Variants in IMPA1 observed in about 807,000 individuals in gnomAD.
The protein encoded by IMPA1 is inositol monophosphatase 1, also known as D-galactose 1-phosphate phosphatase.
Under a neutral mutation model 34.9 loss-of-function variants are expected in IMPA1, and 21 were observed. The observed-to-expected ratio is 0.60, with a 90% CI of 0.43 to 0.87. IMPA1 has a LOEUF of 0.87. Among genes scored for constraint, IMPA1 ranks in the 40% least tolerant of loss-of-function variants. The pLI, the probability that IMPA1 is intolerant of heterozygous loss-of-function variation, is 0.00. For synonymous variants in IMPA1, 95 were observed against 104.4 expected (o/e 0.91, Z 0.55); for missense variants, 299 against 336.4 (o/e 0.89, Z 0.87).
intron 7 of IMPA1, among the ~76,000 whole-genome samples, chr8:81,662,776 A>T (rs535719698): frequency 6.6e-6 from 1 of 152,366 alleles, no homozygotes; most frequent in African/African-American, 2.4e-5. Flanking sequence ...TAATAAAAAT[A>T]GCTTTTTTTA....
chr8:81,664,365 G>C (rs1448526939), intron 7 of IMPA1, among the ~76,000 whole-genome samples: 1 of 152,116 alleles, frequency 6.6e-6, no homozygotes, highest in Non-Finnish European at 1.5e-5. Flanking sequence ...CTAAGTAGAA[G>C]AAAAACAAAT....
At chr8:81,680,881 A>G (rs1807279810) in intron 2 of IMPA1, 98 bp from the exon 3 acceptor site, 1 of 864,412 alleles carries the variant, frequency 1.2e-6, no homozygotes, top group Non-Finnish European at 1.8e-6. Context: ...GTCTTAAATA[A>G]TATTCTTTAA....
chr8:81,662,584 C>CTGCATAGG lies in IMPA1; in HGVS notation c.567-1918_567-1917insCCTATGCA, dbSNP rs1368971457. ...TGTGGTCCTCCTATACAGCTGTGGTCCGCCTATGCAGCTAACATGGCACAT... is the reference window on the plus strand; with the variant it reads ...TGTGGTCCTCCTATACAGCTGTGGTCTGCATAGGCGCCTATGCAGCTAACATGGCACAT... On this transcript the variant is annotated intron_variant, in intron 7 of 8. Coordinates refer to ENST00000256108, the MANE Select transcript of IMPA1 (RefSeq NM_005536.4). Among the ~76,000 whole-genome samples, 10 of 152,260 alleles carry CTGCATAGG rather than the reference C, an allele frequency of 6.6e-5. No homozygotes were observed. In the East Asian group the frequency reaches 1.9e-3, roughly 29 times the overall value.
chr8:81,678,528 C>T (rs528475314), intron 4 of IMPA1: 74 of 160,532 alleles, frequency 4.6e-4, no homozygotes, highest in Non-Finnish European at 9.8e-4. Flanking sequence ...CCCGCCTCTA[C>T]TAAAAATACA....
chr8:81,685,055 C>CATAAGTATATTTAGATATATATACTATAA (rs1404787864), intron 1 of IMPA1, among the ~76,000 whole-genome samples: 2 of 128,024 alleles, frequency 1.6e-5, no homozygotes, highest in Non-Finnish European at 3.1e-5. Context: ...ATATACTATA[C>CATAAGTATATTTAGATATATATACTATAA]ATAAGTATAT....
chr8:81,665,002 A>C (rs1165823701), intron 7 of IMPA1, among the ~76,000 whole-genome samples: 1 of 152,230 alleles, frequency 6.6e-6, no homozygotes. Context: ...GAAAATGCAC[A>C]GAAAGGCACA....
intron 7 of IMPA1, among the ~76,000 whole-genome samples, chr8:81,664,192 A>C (rs1173605488): frequency 6.6e-6 from 1 of 152,170 alleles, no homozygotes; most frequent in Admixed American, 6.5e-5. Flanking sequence ...GTCATTACAG[A>C]GGGACTCTGA....
intron 8 of IMPA1, 96 bp from the exon 9 acceptor site, chr8:81,659,562 T>C: frequency 5.8e-6 from 4 of 686,882 alleles, no homozygotes; most frequent in Non-Finnish European, 7.5e-6. Flanking sequence ...ACATAACATT[T>C]TAATACTTTC....
At chr8:81,661,454 G>T (rs1563580000) in intron 7 of IMPA1, among the ~76,000 whole-genome samples, 1 of 152,166 alleles carries the variant, frequency 6.6e-6, no homozygotes, top group Non-Finnish European at 1.5e-5. Context: ...CACTGAGAAG[G>T]ACAGAACATT....
Position 81,682,740 on chromosome 8 carries a change from C to G in IMPA1, c.-24-1156G>C, listed in dbSNP as rs1179903598. Among the ~76,000 whole-genome samples the G allele has an allele frequency of 2.6e-5, 4 of 152,208 alleles. No individual in the cohort carries two copies. The East Asian group carries it at 5.8e-4, about 22-fold the overall frequency. On this transcript the variant is annotated intron_variant, in intron 1 of 8. Coordinates refer to ENST00000256108, the MANE Select transcript of IMPA1 (RefSeq NM_005536.4). ...CAGAAACAGCTCAAGCCACTCACAC[C>G]CCCGCCTTCTAACAGCACTAATGTA...
intron 1 of IMPA1, among the ~76,000 whole-genome samples, chr8:81,683,712 C>G (rs146783526): frequency 6.6e-6 from 1 of 152,152 alleles, no homozygotes; most frequent in African/African-American, 2.4e-5. Context: ...CCTGAGCTCA[C>G]AGGAGAGGTA....
In IMPA1 at chr8:81,676,264, A is replaced by G; in HGVS notation, c.318T>C (p.Ala106=). 7.4e-7 allele frequency: 1 copy of G among 1,347,668 alleles called. No individual in the cohort carries two copies. Among genetic ancestry groups the G allele is most frequent in the Non-Finnish European group, 1.0e-6 (1 of 986,400 alleles). The allele number at this position is 1,347,668 out of a possible 1,614,324, so 83.5% of individuals were successfully genotyped here. A position where few individuals can be genotyped will look rare whatever the true frequency, so the allele number is the denominator to read the frequency against. The change falls in exon 5 of 9, where the codon GCT becomes GCC. Residue 106 remains alanine (A), a synonymous_variant. Transcript: ENST00000256108. ...TATTTACAGCAAAGCCAATTGAAAC[A>G]GCTACAAAAGGAAATCTTTTTTTAA... ...TNFVHRFPFV[A]VSIGFAVNKK...
intron 2 of IMPA1, 55 bp from the exon 3 acceptor site, chr8:81,680,838 T>A: frequency 1.6e-6 from 2 of 1,284,432 alleles, no homozygotes; most frequent in Non-Finnish European, 2.2e-6. Flanking sequence ...AACAAAAAGA[T>A]AAAATACATA....
At chr8:81,683,580 A>C (rs1049998550) in intron 1 of IMPA1, among the ~76,000 whole-genome samples, 2 of 152,186 alleles carry the variant, frequency 1.3e-5, no homozygotes, top group Non-Finnish European at 2.9e-5. Flanking sequence ...AACAGGGAGC[A>C]ACAAAAAAAG....
chr8:81,674,156 T>A, intron 5 of IMPA1: 1 of 474,678 alleles, frequency 2.1e-6, no homozygotes, highest in Non-Finnish European at 3.7e-6. Context: ...CCCATCCAAG[T>A]CCAGATCTAA....
In IMPA1 at chr8:81,659,069, T is replaced by C. The variant is rs1465762430; in HGVS notation, c.*282A>G. ...ACCATAGATATTTAGAAACACAAAA[T>C]TGCTAATTGACTATTTCAGTTGATG... On this transcript the variant is annotated 3_prime_UTR_variant, in exon 9 of 9. Transcript: ENST00000256108. 2.1e-5 allele frequency: 8 copies of C among 378,052 alleles called. No homozygotes were observed. The highest frequency in any genetic ancestry group is 7.6e-4 in the Middle Eastern group (1 of 1,308). 23.4% of individuals were successfully genotyped at this position (378,052 alleles called of 1,614,324 possible).
rs1293050829 is a variant in IMPA1 at position 81,657,551 on chromosome 8, T to C, written c.*1800A>G. Among the ~76,000 whole-genome samples, 1 of 152,094 alleles carries C rather than the reference T, an allele frequency of 6.6e-6. No homozygotes were observed. The highest frequency in any genetic ancestry group is 1.5e-5 in the Non-Finnish European group (1 of 68,016). The stretch of plus-strand genomic sequence containing the variant: ...AATGGTGATCATGCCACTGCATTAC[T>C]GTTTGAGCAGAAGAGCAAGACACTG... On this transcript the variant is annotated 3_prime_UTR_variant, in exon 9 of 9. Transcript: ENST00000256108.
In IMPA1 at chr8:81,668,851, G is replaced by T. The variant is rs556448254; in HGVS notation, c.566+2088C>A. On this transcript the variant is annotated intron_variant, in intron 7 of 8. Transcript: ENST00000256108. The stretch of plus-strand genomic sequence containing the variant: ...CCCTTTACAGGCCCAAAGGAGGGTA[G>T]AATGGTTTCATGGAACAGGCCTGGG... Among the ~76,000 whole-genome samples, 3 of 152,276 alleles carry T rather than the reference G, an allele frequency of 2.0e-5. No homozygotes were observed. In the South Asian group the frequency reaches 6.2e-4, roughly 32 times the overall value.
rs200950319 is a variant in IMPA1, at chr8:81,673,872, A to G, written c.426T>C (p.Asn142=). The G allele has an allele frequency of 2.2e-5, 35 of 1,611,926 alleles. No individual in the cohort carries two copies. The African/African-American group carries it at 4.5e-4, about 21-fold the overall frequency. ...GTTGTGAAACTTGTAGTTTTTGACC[A>G]TTACAAAAGGCACCTTTTCCTTTTC... The part of the protein sequence containing the change: ...TARKGKGAFC[N]GQKLQVSQQE... The change falls in exon 6 of 9, where the codon AAT becomes AAC. Residue 142 remains asparagine, a synonymous_variant. Coordinates refer to ENST00000256108, the MANE Select transcript of IMPA1 (RefSeq NM_005536.4).
Sources: gnomAD v4.1 joint callset for allele counts (sites outside exome capture counted in the v4.1 genomes callset) on GRCh38, gnomAD v4.1.1 for gene constraint, MANE v1.5 for transcripts, NCBI Gene and HGNC (gene_info 2026-07-23, HGNC 2026-07-21) for gene names.